Variants in MYO9A observed in about 807,000 individuals in gnomAD.
The protein encoded by MYO9A is myosin IXA.
A neutral mutation model predicts 293.3 loss-of-function variants in MYO9A; 103 were observed. That is an observed-to-expected ratio of 0.35 (90% CI 0.30 to 0.41). MYO9A has a LOEUF of 0.41. MYO9A is among the 10% of genes least tolerant of loss of function. The pLI is 1.00. For missense variants in MYO9A, 2,685 were observed against 3,033.0 expected (o/e 0.89, Z 2.69); for synonymous variants, 1,001 against 1,035.7 (o/e 0.97, Z 0.64).
chr15:72,077,752 A>ATATAT (rs1156518210), intron 1 of MYO9A, among the ~76,000 whole-genome samples: 7 of 72,456 alleles, frequency 9.7e-5, no homozygotes, highest in African/African-American at 5.5e-4. Flanking sequence ...AAAAAAAAAA[A>ATATAT]ATATATATAT....
At chr15:72,068,259 T>C (rs1390128193) in intron 1 of MYO9A, among the ~76,000 whole-genome samples, 1 of 152,178 alleles carries the variant, frequency 6.6e-6, no homozygotes, top group African/African-American at 2.4e-5. Context: ...TAAGCAGTAC[T>C]TCTCTGAAAT....
chr15:71,981,042 A>G (rs539246253), intron 11 of MYO9A, among the ~76,000 whole-genome samples: 7 of 152,316 alleles, frequency 4.6e-5, no homozygotes, highest in South Asian at 2.1e-4. Flanking sequence ...TGCTTTTTAT[A>G]TATCTCGAGA....
intron 32 of MYO9A, among the ~76,000 whole-genome samples, 182 bp from the exon 33 acceptor site, chr15:71,862,793 C>T (rs769831007): frequency 2.6e-5 from 4 of 152,076 alleles, no homozygotes; most frequent in Non-Finnish European, 4.4e-5. Context: ...CAAAAGCTAA[C>T]AATCTAGATA....
intron 24 of MYO9A, 95 bp downstream of exon 24, chr15:71,899,591 CA>C (rs1445633878): frequency 2.7e-6 from 3 of 1,104,338 alleles, no homozygotes; most frequent in Non-Finnish European, 3.9e-6. Flanking sequence ...TGTATACAAC[CA>C]ATTCTAATAC....
intron 18 of MYO9A, among the ~76,000 whole-genome samples, chr15:71,921,993 T>C (rs1938491129): frequency 6.6e-6 from 1 of 152,210 alleles, no homozygotes; most frequent in Admixed American, 6.5e-5. Context: ...TTTTTATTTT[T>C]TGAGCATGGA....
intron 32 of MYO9A, among the ~76,000 whole-genome samples, chr15:71,874,780 T>C (rs1379644954): frequency 6.6e-6 from 1 of 152,176 alleles, no homozygotes; most frequent in Non-Finnish European, 1.5e-5. Context: ...CATATGAACA[T>C]GCAACACTTA....
In MYO9A at chr15:71,925,332, C is replaced by CTTACAT. The variant is rs1304289310; in HGVS notation, c.2562+8337_2562+8338insATGTAA. On this transcript the variant is annotated intron_variant, in intron 18 of 41. Transcript: ENST00000356056. ...GTATATACGTATATGTACATATATA[C>CTTACAT]GTATATGTACATATATACTTACATG... is the stretch of plus-strand genomic sequence containing the variant. Among the ~76,000 whole-genome samples the CTTACAT allele has an allele frequency of 8.4e-5, 11 of 130,340 alleles. No individual in the cohort carries two copies. The East Asian group carries it at 1.5e-3, about 17-fold the overall frequency. 85.5% of individuals were successfully genotyped at this position (130,340 alleles called of 152,430 possible).
At chr15:71,847,101 T>C (rs904858398) in intron 39 of MYO9A, among the ~76,000 whole-genome samples, 3 of 152,228 alleles carry the variant, frequency 2.0e-5, no homozygotes, top group African/African-American at 7.2e-5. Flanking sequence ...GATATCTCAA[T>C]GCTTTTAACT....
At chr15:71,928,505 CA>C (rs2058389126) in intron 18 of MYO9A, among the ~76,000 whole-genome samples, 1 of 151,848 alleles carries the variant, frequency 6.6e-6, no homozygotes. Context: ...ATAGGGATTG[CA>C]CTGAATCAGT....
In MYO9A at chr15:72,046,294, G is replaced by C; in HGVS notation, c.270C>G (p.Pro90=). 1 of 1,614,098 alleles carries C rather than the reference G, an allele frequency of 6.2e-7. No individual in the cohort carries two copies. Among genetic ancestry groups the C allele is most frequent in the South Asian group, 1.1e-5 (1 of 91,090 alleles). ...DCPVQRMMLW[P]RMALENRLSG... ...TTAAGCGATTTTCCAGAGCCATTCG[G>C]GGCCACAGCATCATTCGCTGAACTG... is the stretch of plus-strand genomic sequence containing the variant. The change falls in exon 2 of 42, where the codon CCC becomes CCG. Residue 90 remains proline, a synonymous_variant. Transcript: ENST00000356056.
chr15:71,938,773 T>A, intron 16 of MYO9A, 79 bp downstream of exon 16: 1 of 1,300,316 alleles, frequency 7.7e-7, no homozygotes, highest in Non-Finnish European at 1.1e-6. Flanking sequence ...CTTCAAACTT[T>A]TAAAGTCACA....
At chr15:71,956,323 AAAAAAAAATAT>A (rs1203158873) in intron 14 of MYO9A, among the ~76,000 whole-genome samples, 8 of 73,910 alleles carry the variant, frequency 1.1e-4, no homozygotes, top group African/African-American at 3.6e-4. Context: ...AAAAAAAAAA[AAAAAAAAATAT>A]ATATATATAT....
rs2054491584 is a variant in MYO9A at position 71,826,152 on chromosome 15, A to T, written c.*428T>A. 1 of 156,140 alleles carries T rather than the reference A, an allele frequency of 6.4e-6. No individual in the cohort carries two copies. Among genetic ancestry groups the T allele is most frequent in the South Asian group, 2.0e-4 (1 of 4,942 alleles). The allele number at this position is 156,140 out of a possible 1,614,324, so 9.7% of individuals were successfully genotyped here. ...TCTACCCTAGCTCCTAACTATCCCA[A>T]AATAAACCCAAAGGCTTTTGCTTTC... On this transcript the variant is annotated 3_prime_UTR_variant, in exon 42 of 42. Transcript: ENST00000356056.
intron 1 of MYO9A, among the ~76,000 whole-genome samples, chr15:72,071,346 T>C (rs1168229049): frequency 6.6e-6 from 1 of 152,068 alleles, no homozygotes; most frequent in African/African-American, 2.4e-5. Flanking sequence ...CACAGAGATA[T>C]CATCTCACAC....
At position 71,897,568 on chromosome 15, in the gene MYO9A, T is replaced by C. The variant is rs1232598821; in HGVS notation, c.4935A>G (p.Glu1645=). ...TGTAAGACTGAGTTGGCCTAAAGTG[T>C]TCTCTTTTTGAAATGCGATTATTTG... is the stretch of plus-strand genomic sequence containing the variant. The part of the protein sequence containing the change: ...KLSNNRISKR[E]HFRPTQSYSH... Residue 1645 remains glutamate (E), a synonymous_variant, in exon 25 of 42, where the codon GAA becomes GAG. Coordinates refer to ENST00000356056, the MANE Select transcript of MYO9A (RefSeq NM_006901.4). 7 of 1,614,088 alleles carry C rather than the reference T, an allele frequency of 4.3e-6. No individual in the cohort carries two copies. The highest frequency in any genetic ancestry group is 5.9e-6 in the Non-Finnish European group (7 of 1,180,036).
At chr15:71,848,810 C>T (rs1567193609) in intron 39 of MYO9A, 35 bp downstream of exon 39, 1 of 1,573,634 alleles carries the variant, frequency 6.4e-7, no homozygotes. Context: ...CAAGACAACT[C>T]CCATTTTTCC....
At chr15:71,948,689 C>T (rs1189574783) in intron 15 of MYO9A, among the ~76,000 whole-genome samples, 2 of 152,172 alleles carry the variant, frequency 1.3e-5, no homozygotes, top group Non-Finnish European at 1.5e-5. Flanking sequence ...GGTGATTTCC[C>T]TCGAGCCTGA....
At chr15:71,834,138 G>A (rs1386834974) in intron 39 of MYO9A, among the ~76,000 whole-genome samples, 1 of 151,906 alleles carries the variant, frequency 6.6e-6, no homozygotes, top group Non-Finnish European at 1.5e-5. Flanking sequence ...AGGTTGTAAT[G>A]AAAAAGGGGA....
At chr15:72,046,765 A>T in intron 1 of MYO9A, 131 bp from the exon 2 acceptor site, 1 of 492,186 alleles carries the variant, frequency 2.0e-6, no homozygotes, top group Non-Finnish European at 3.4e-6. Flanking sequence ...GTCTTAGCAC[A>T]GCAACAGTTT....
Sources: allele counts gnomAD v4.1 joint callset (sites outside exome capture counted in the v4.1 genomes callset), GRCh38; gene constraint gnomAD v4.1.1; transcripts MANE v1.5; gene names NCBI Gene and HGNC (gene_info 2026-07-23, HGNC 2026-07-21).